Variants in SYTL5 observed in about 807,000 individuals in gnomAD.
The protein encoded by SYTL5 is synaptotagmin like 5.
Under a neutral mutation model 55.9 loss-of-function variants are expected in SYTL5, and 34 were observed. That is an observed-to-expected ratio of 0.61 (90% CI 0.46 to 0.81). The LOEUF is 0.81. Among genes scored for constraint, SYTL5 ranks in the 30% least tolerant of loss-of-function variants. The pLI, the probability that SYTL5 is intolerant of heterozygous loss-of-function variation, is 0.00. For missense variants in SYTL5, 637 were observed against 546.7 expected (o/e 1.17, Z -1.65); for synonymous variants, 221 against 188.7 (o/e 1.17, Z -1.40).
chrX:37,979,667 A>G, the SYTL5 span, among the ~76,000 whole-genome samples: 4 of 106,726 alleles, frequency 3.7e-5, no homozygotes, highest in Non-Finnish European at 5.8e-5. Flanking sequence ...AGCTTTCATG[A>G]AATGTTTTCA....
At position 38,069,934 on chromosome X, in the gene SYTL5, C is replaced by G. The variant is rs1054374106; in HGVS notation, c.330-2113C>G. Among the ~76,000 whole-genome samples the G allele has an allele frequency of 4.5e-5, 5 of 111,913 alleles. No homozygotes were observed. The East Asian group carries it at 1.4e-3, about 31-fold the overall frequency. Reference sequence around the variant, plus strand: ...AGCTTTTGGTTTTGGTAGGTTATATCTTAGATTTGACCGTATTCCATAAGC... The same window carrying G: ...AGCTTTTGGTTTTGGTAGGTTATATGTTAGATTTGACCGTATTCCATAAGC... On this transcript the variant is annotated intron_variant, in intron 3 of 16. Transcript: ENST00000297875.
chrX:38,076,625 G>T lies in SYTL5; in HGVS notation c.613G>T (p.Asp205Tyr). 9 of 1,209,156 alleles carry T rather than the reference G, an allele frequency of 7.4e-6. No individual in the cohort carries two copies. The highest frequency in any genetic ancestry group is 1.0e-5 in the Non-Finnish European group (9 of 893,455). The change falls in exon 6 of 17, where the codon GAC (aspartate) becomes TAC (tyrosine). Residue 205 changes from aspartate to tyrosine, a missense_variant. Coordinates refer to ENST00000297875, the MANE Select transcript of SYTL5 (RefSeq NM_138780.3). ...AGGAGAAATCATAACTCCCAAAACT[G>T]ACACTGGGCGGAGCTATAGCTTGGA... ...TRGEIITPKT[D>Y]TGRSYSLDLD... is the part of the protein sequence containing the mutation.
chrX:38,123,223 T>C (rs1238375900), intron 15 of SYTL5, among the ~76,000 whole-genome samples: 1 of 112,375 alleles, frequency 8.9e-6, no homozygotes, highest in African/African-American at 3.2e-5. Flanking sequence ...CACTGCAACC[T>C]CCGCTTCCCA....
chrX:38,019,015 C>T (rs5964281), intron 1 of SYTL5, among the ~76,000 whole-genome samples: 32,280 of 111,212 alleles, frequency 0.29, 6,546 homozygotes, highest in African/African-American at 0.72. Context: ...AATATGATTG[C>T]GCTGTTCCTT....
chrX:38,042,749 G>A (rs765846524), intron 2 of SYTL5, among the ~76,000 whole-genome samples: 2 of 111,733 alleles, frequency 1.8e-5, no homozygotes, highest in Non-Finnish European at 3.8e-5. Context: ...TGTTGGGGCT[G>A]GAAGGGGGAG....
chrX:37,946,505 T>A, the SYTL5 span: 1 of 229,843 alleles, frequency 4.4e-6, no homozygotes, highest in Non-Finnish European at 8.3e-6. Flanking sequence ...GAATCATGCT[T>A]TTGTGTTACC....
the SYTL5 span, among the ~76,000 whole-genome samples, chrX:37,933,830 A>T: frequency 9.0e-6 from 1 of 111,382 alleles, no homozygotes; most frequent in African/African-American, 3.3e-5. Flanking sequence ...TGTCTGACTA[A>T]CCTCAAGGTG....
the SYTL5 span, among the ~76,000 whole-genome samples, chrX:37,892,167 A>T: frequency 9.1e-6 from 1 of 110,470 alleles, no homozygotes; most frequent in African/African-American, 3.3e-5. Flanking sequence ...CCATAGGTAT[A>T]CCTGGGATAA....
chrX:37,911,537 G>A, the SYTL5 span, among the ~76,000 whole-genome samples: 1 of 111,209 alleles, frequency 9.0e-6, no homozygotes, highest in African/African-American at 3.3e-5. Context: ...GATTTTTAAA[G>A]GATTAACCAT....
At chrX:37,942,411 C>T in the SYTL5 span, among the ~76,000 whole-genome samples, 2 of 111,871 alleles carry the variant, frequency 1.8e-5, no homozygotes, top group South Asian at 7.5e-4. Flanking sequence ...TTCTTCAATG[C>T]ATTATGGGCA....
chrX:37,983,933 G>A, the SYTL5 span, among the ~76,000 whole-genome samples: 20,472 of 110,978 alleles, frequency 0.18, 1,769 homozygotes, highest in Non-Finnish European at 0.26. Context: ...AAAATAATTA[G>A]GGATGAATGA....
At position 38,128,366 on chromosome X, in the gene SYTL5, G is replaced by A. The variant is rs942591844; in HGVS notation, c.*1636G>A. On this transcript the variant is annotated 3_prime_UTR_variant, in exon 17 of 17. Coordinates refer to ENST00000297875, the MANE Select transcript of SYTL5 (RefSeq NM_138780.3). ...CTTATGTCAAGAAATTTGGAGCAGA[G>A]TCTGATTACTTGAGCATGAACATAC... 1 of 111,573 alleles carries A rather than the reference G, an allele frequency of 9.0e-6. No homozygotes were observed. The highest frequency in any genetic ancestry group is 3.3e-5 in the African/African-American group (1 of 30,703). 9.2% of individuals were successfully genotyped at this position (111,573 alleles called of 1,213,427 possible).
chrX:38,000,867 C>T, the SYTL5 span, among the ~76,000 whole-genome samples: 1 of 111,698 alleles, frequency 9.0e-6, no homozygotes, highest in South Asian at 3.8e-4. Flanking sequence ...ACCGCCCCAA[C>T]CGAACTCCGC....
chrX:37,926,828 G>T, the SYTL5 span, among the ~76,000 whole-genome samples: 1 of 111,387 alleles, frequency 9.0e-6, no homozygotes, highest in Non-Finnish European at 1.9e-5. Context: ...TCTAATCTTC[G>T]TTTCTTTTTT....
At chrX:38,027,359 A>G (rs1054952096) in intron 1 of SYTL5, among the ~76,000 whole-genome samples, 1 of 112,096 alleles carries the variant, frequency 8.9e-6, no homozygotes, top group Non-Finnish European at 1.9e-5. Flanking sequence ...GCCAATTCCA[A>G]TATGTGCCCA....
chrX:37,938,255 C>G, the SYTL5 span, among the ~76,000 whole-genome samples: 4 of 111,705 alleles, frequency 3.6e-5, no homozygotes, highest in African/African-American at 1.3e-4. Flanking sequence ...GAAAATAACC[C>G]TTTGTCAGGC....
intron 3 of SYTL5, among the ~76,000 whole-genome samples, chrX:38,062,000 C>G (rs965675576): frequency 1.7e-4 from 19 of 109,462 alleles, no homozygotes; most frequent in African/African-American, 5.3e-4. Flanking sequence ...TGGAGTCTTG[C>G]TCTGTCACCC....
chrX:38,041,918 A>G (rs1363659835), intron 2 of SYTL5, among the ~76,000 whole-genome samples: 1 of 111,566 alleles, frequency 9.0e-6, no homozygotes, highest in East Asian at 2.8e-4. Context: ...TAAAGATCAA[A>G]TCAGTGTAGT....
intron 13 of SYTL5, among the ~76,000 whole-genome samples, chrX:38,111,329 C>T (rs919710129): frequency 9.0e-6 from 1 of 111,574 alleles, no homozygotes; most frequent in African/African-American, 3.3e-5. Flanking sequence ...TGGGATGTAG[C>T]TTATAGGTCT....
Sources: gnomAD v4.1 joint callset for allele counts (sites outside exome capture counted in the v4.1 genomes callset) on GRCh38, gnomAD v4.1.1 for gene constraint, MANE v1.5 for transcripts, NCBI Gene and HGNC (gene_info 2026-07-23, HGNC 2026-07-21) for gene names.